The following LRFN5 variants were observed in gnomAD, a reference collection of about 807,000 sequenced individuals.
LRFN5 encodes leucine-rich repeat and fibronectin type-III domain-containing protein 5.
A neutral mutation model predicts 45.6 loss-of-function variants in LRFN5; 24 were observed. That is an observed-to-expected ratio of 0.53 (90% CI 0.38 to 0.74). The LOEUF (loss-of-function observed/expected upper bound fraction) is 0.74, where lower values mean the gene tolerates loss of function less well. Ranked by LOEUF, LRFN5 falls within the 30% of genes least tolerant of loss-of-function variation. The probability of loss-of-function intolerance (pLI) is 0.00; values close to 1 mark genes in which losing one functional copy is unlikely to be tolerated. For missense variants in LRFN5, 776 were observed against 861.5 expected, an observed-to-expected ratio of 0.90 and a Z score of 1.24; for synonymous variants, 340 against 313.8, an observed-to-expected ratio of 1.08 and a Z score of -0.88.
At chr14:41,730,703 T>C (rs887262231) in intron 1 of LRFN5, among the ~76,000 whole-genome samples, 2 of 152,016 alleles carry the variant, frequency 1.3e-5, no homozygotes, top group African/African-American at 2.4e-5. Context: ...AGAGCCTTGG[T>C]TCTTTTCAGT....
intron 1 of LRFN5, among the ~76,000 whole-genome samples, chr14:41,717,161 A>C (rs1256121560): frequency 6.6e-6 from 1 of 152,190 alleles, no homozygotes; most frequent in Non-Finnish European, 1.5e-5. Flanking sequence ...ATAAAAAAGA[A>C]TGTAAATGGT....
At chr14:41,710,030 C>G (rs1477938791) in intron 1 of LRFN5, among the ~76,000 whole-genome samples, 1 of 151,804 alleles carries the variant, frequency 6.6e-6, no homozygotes, top group Non-Finnish European at 1.5e-5. Flanking sequence ...GTGTTTCACA[C>G]TTAATTATTA....
intron 1 of LRFN5, among the ~76,000 whole-genome samples, chr14:41,725,187 A>G (rs1257187878): frequency 6.6e-6 from 1 of 152,200 alleles, no homozygotes; most frequent in Non-Finnish European, 1.5e-5. Context: ...TAGGATTCAC[A>G]TTTTAGATGT....
intron 1 of LRFN5, among the ~76,000 whole-genome samples, chr14:41,741,701 G>A (rs1030716042): frequency 2.0e-5 from 3 of 151,508 alleles, no homozygotes; most frequent in Non-Finnish European, 2.9e-5. Context: ...AGAGGATATT[G>A]CATCTAACTA....
At chr14:41,687,428 G>A (rs184126860) in intron 1 of LRFN5, among the ~76,000 whole-genome samples, 166 of 152,324 alleles carry the variant, frequency 1.1e-3, no homozygotes, top group African/African-American at 3.7e-3. Context: ...AGACAGTAAT[G>A]CGATTCCTCA....
intron 1 of LRFN5, among the ~76,000 whole-genome samples, chr14:41,666,341 T>A (rs2138648056): frequency 6.6e-6 from 1 of 152,166 alleles, no homozygotes; most frequent in Non-Finnish European, 1.5e-5. Flanking sequence ...TAGTGAAAAT[T>A]ACTAGTATTA....
chr14:41,809,508 T>A (rs973825232), intron 2 of LRFN5, among the ~76,000 whole-genome samples: 1 of 151,904 alleles, frequency 6.6e-6, no homozygotes, highest in Admixed American at 6.6e-5. Flanking sequence ...TGAAAAAGTC[T>A]AATTTTATAA....
chr14:41,902,030 C>T (rs563395335), intron 5 of LRFN5, among the ~76,000 whole-genome samples: 1 of 152,094 alleles, frequency 6.6e-6, no homozygotes, highest in African/African-American at 2.4e-5. Context: ...CATCTCCTTG[C>T]TTAGACATCC....
Position 41,721,295 on chromosome 14 carries a change from C to A in LRFN5, c.-196-45559C>A, listed in dbSNP as rs1883702682. On this transcript the variant is annotated intron_variant, in intron 1 of 5. Transcript: ENST00000298119. ...TGTGAGATGGGTTTCTTAAAGACAGCAGATGGATGAATCTTGCTTTTTAAT... is the reference window on the plus strand; with the variant it reads ...TGTGAGATGGGTTTCTTAAAGACAGAAGATGGATGAATCTTGCTTTTTAAT... Among the ~76,000 whole-genome samples the A allele has an allele frequency of 2.0e-5, 3 of 152,076 alleles. No individual in the cohort carries two copies. The South Asian group carries it at 6.2e-4, about 31-fold the overall frequency.
At position 41,799,702 on chromosome 14, in the gene LRFN5, AGTTTTATGGTAGGGTAT is replaced by A. The variant is rs1173710517; in HGVS notation, c.-21+32676_-21+32692del. Among the ~76,000 whole-genome samples the A allele has an allele frequency of 2.6e-5, 4 of 151,870 alleles. No individual in the cohort carries two copies. In the East Asian group the frequency reaches 7.8e-4, roughly 30 times the overall value. On this transcript the variant is annotated intron_variant, in intron 2 of 5. Transcript: ENST00000298119. ...TTTCTTTCTGAATTGATTTACTGTCAGTTTTATGGTAGGGTATGTGAGGAGATAAACGCATTTGGTGG... is the reference window on the plus strand; with the variant it reads ...TTTCTTTCTGAATTGATTTACTGTCAGTGAGGAGATAAACGCATTTGGTGG...
intron 2 of LRFN5, among the ~76,000 whole-genome samples, chr14:41,852,334 A>C (rs1413245370): frequency 1.3e-5 from 2 of 151,872 alleles, no homozygotes; most frequent in Non-Finnish European, 2.9e-5. Flanking sequence ...CTAATTTATC[A>C]CTACCATCAA....
chr14:41,636,709 C>A (rs1003506148), intron 1 of LRFN5, among the ~76,000 whole-genome samples: 3 of 152,070 alleles, frequency 2.0e-5, no homozygotes, highest in African/African-American at 7.2e-5. Flanking sequence ...TTGCCTGATT[C>A]CAATGAGACA....
Position 41,655,408 on chromosome 14 carries a change from G to GA in LRFN5, c.-197+46853dup, listed in dbSNP as rs1341315973. Among the ~76,000 whole-genome samples, 5 of 151,862 alleles carry GA rather than the reference G, an allele frequency of 3.3e-5. No individual in the cohort carries two copies. In the East Asian group the frequency reaches 9.7e-4, roughly 29 times the overall value. Reference sequence around the variant, plus strand: ...GAAAACAGCAAGCATACACCCCTTAGAAAAAAAGCATGTCTAGAATGATTT... The same window carrying GA: ...GAAAACAGCAAGCATACACCCCTTAGAAAAAAAAGCATGTCTAGAATGATTT... On this transcript the variant is annotated intron_variant, in intron 1 of 5. Coordinates refer to ENST00000298119, the MANE Select transcript of LRFN5 (RefSeq NM_152447.5).
intron 4 of LRFN5, among the ~76,000 whole-genome samples, chr14:41,895,837 C>A (rs1337505475): frequency 6.7e-6 from 1 of 149,232 alleles, no homozygotes; most frequent in Non-Finnish European, 1.5e-5. Flanking sequence ...AAGTTTTGAA[C>A]CATTCTAAGA....
At chr14:41,609,620 T>A (rs1048938476) in intron 1 of LRFN5, among the ~76,000 whole-genome samples, 9 of 152,158 alleles carry the variant, frequency 5.9e-5, no homozygotes, top group African/African-American at 2.2e-4. Flanking sequence ...ATTAACAAGA[T>A]AAAGCACTTC....
intron 1 of LRFN5, among the ~76,000 whole-genome samples, chr14:41,759,946 G>T (rs1885588923): frequency 6.6e-6 from 1 of 152,124 alleles, no homozygotes; most frequent in Non-Finnish European, 1.5e-5. Context: ...ATGCAGTCGT[G>T]GAAATAACAC....
chr14:41,790,094 G>A (rs1886865951), intron 2 of LRFN5, among the ~76,000 whole-genome samples: 1 of 151,820 alleles, frequency 6.6e-6, no homozygotes, highest in Non-Finnish European at 1.5e-5. Context: ...GGAAGATGTG[G>A]TATTATAAAT....
At chr14:41,749,017 A>T (rs1885027407) in intron 1 of LRFN5, among the ~76,000 whole-genome samples, 1 of 152,020 alleles carries the variant, frequency 6.6e-6, no homozygotes, top group African/African-American at 2.4e-5. Context: ...GGTGGAAGTG[A>T]GGACACCAGA....
chr14:41,656,681 T>A (rs574188367), intron 1 of LRFN5, among the ~76,000 whole-genome samples: 8 of 151,984 alleles, frequency 5.3e-5, no homozygotes, highest in Non-Finnish European at 8.8e-5. Context: ...ATTGTTATGA[T>A]TCAAATGCTC....
Sources: allele counts gnomAD v4.1 joint callset (sites outside exome capture counted in the v4.1 genomes callset), GRCh38; gene constraint gnomAD v4.1.1; transcripts MANE v1.5; gene names NCBI Gene and HGNC (gene_info 2026-07-23, HGNC 2026-07-21).